NCALD: variants seen among roughly 807,000 people sequenced by gnomAD.
The protein encoded by NCALD is neurocalcin-delta.
A neutral mutation model predicts 18.6 loss-of-function variants in NCALD; 10 were observed. The observed-to-expected ratio is 0.54, with a 90% confidence interval of 0.33 to 0.91. NCALD has a LOEUF of 0.91. NCALD is among the 40% of genes least tolerant of loss of function. NCALD has a pLI of 0.03. For missense variants in NCALD, 184 were observed against 247.6 expected (o/e 0.74, Z 1.72); for synonymous variants, 88 against 87.4 (o/e 1.01, Z -0.04).
At chr8:102,099,814 A>C (rs979175461) in intron 1 of NCALD, among the ~76,000 whole-genome samples, 1 of 151,690 alleles carries the variant, frequency 6.6e-6, no homozygotes, top group Non-Finnish European at 1.5e-5. Flanking sequence ...TCTCTACTAA[A>C]ATTACCAAAA....
chr8:102,122,759 T>C (rs1825979066), intron 1 of NCALD, among the ~76,000 whole-genome samples: 1 of 152,216 alleles, frequency 6.6e-6, no homozygotes, highest in South Asian at 2.1e-4. Context: ...TATTGACGAA[T>C]GAGCCACAGC....
chr8:101,710,974 T>G lies in NCALD; in HGVS notation c.378+8278A>C, dbSNP rs182602743. ...ACCCCCGAGGCTCCTGACTAGGAGA[T>G]GCCTCCCAGCAGGGGTCGACAGACA... On this transcript the variant is annotated intron_variant, in intron 2 of 3. Coordinates refer to ENST00000220931, the MANE Select transcript of NCALD (RefSeq NM_032041.3). Among the ~76,000 whole-genome samples, 12 of 152,272 alleles carry G rather than the reference T, an allele frequency of 7.9e-5. No individual in the cohort carries two copies. In the East Asian group the frequency reaches 1.6e-3, roughly 20 times the overall value.
intron 2 of NCALD, among the ~76,000 whole-genome samples, chr8:101,706,454 C>G (rs1285716000): frequency 6.6e-6 from 1 of 152,146 alleles, no homozygotes; most frequent in East Asian, 1.9e-4. Context: ...GATCTGGAAG[C>G]AATTTGTTTC....
intron 2 of NCALD, among the ~76,000 whole-genome samples, chr8:101,997,665 G>T (rs907270611): frequency 6.6e-6 from 1 of 152,154 alleles, no homozygotes; most frequent in Non-Finnish European, 1.5e-5. Flanking sequence ...TTTTCAGGTC[G>T]CTCCACTGAA....
chr8:101,724,431 T>C (rs1160086062), intron 1 of NCALD, among the ~76,000 whole-genome samples: 3 of 152,256 alleles, frequency 2.0e-5, no homozygotes, highest in Non-Finnish European at 4.4e-5. Context: ...TAAAAATGCT[T>C]GGCTTCAAAG....
At chr8:101,712,457 CA>C (rs1312779778) in intron 2 of NCALD, among the ~76,000 whole-genome samples, 4 of 151,982 alleles carry the variant, frequency 2.6e-5, no homozygotes, top group Non-Finnish European at 4.4e-5. Flanking sequence ...TTAAAAGGCA[CA>C]GACTGGCAAA....
intron 1 of NCALD, among the ~76,000 whole-genome samples, chr8:102,050,328 T>C (rs1823399894): frequency 6.6e-6 from 1 of 151,852 alleles, no homozygotes; most frequent in Non-Finnish European, 1.5e-5. Context: ...AATAATCTCA[T>C]TTTTGAGTAA....
intron 1 of NCALD, chr8:101,789,041 G>C (rs961645630): frequency 6.6e-6 from 1 of 152,152 alleles, no homozygotes; most frequent in African/African-American, 2.4e-5. Flanking sequence ...TATTTTGAAA[G>C]AGCATTGAAT....
intron 1 of NCALD, among the ~76,000 whole-genome samples, chr8:102,039,174 A>C (rs554810992): frequency 6.6e-6 from 1 of 152,278 alleles, no homozygotes; most frequent in South Asian, 2.1e-4. Context: ...TGAGACTCTC[A>C]GCAGAGGACC....
intron 2 of NCALD, among the ~76,000 whole-genome samples, chr8:102,017,451 C>T (rs920412079): frequency 4.6e-5 from 7 of 152,248 alleles, no homozygotes; most frequent in Middle Eastern, 3.4e-3. Flanking sequence ...CGGTGGCTCA[C>T]GCCTATAATA....
At chr8:101,787,151 T>C (rs1812258996) in intron 1 of NCALD, among the ~76,000 whole-genome samples, 1 of 152,208 alleles carries the variant, frequency 6.6e-6, no homozygotes, top group Non-Finnish European at 1.5e-5. Context: ...GTGGATTTTA[T>C]GAAAAATAAT....
At chr8:101,838,754 T>A (rs755318060) in intron 4 of NCALD, among the ~76,000 whole-genome samples, 67 of 152,348 alleles carry the variant, frequency 4.4e-4, no homozygotes, top group Non-Finnish European at 9.4e-4. Flanking sequence ...GTGTGTATGT[T>A]TTATTTAAAG....
intron 2 of NCALD, among the ~76,000 whole-genome samples, chr8:101,999,756 A>G (rs1213558183): frequency 1.3e-5 from 2 of 150,746 alleles, no homozygotes; most frequent in Non-Finnish European, 2.9e-5. Context: ...AAATAAAATA[A>G]TAACATTCAA....
At chr8:102,025,864 A>G (rs897502861) in intron 1 of NCALD, among the ~76,000 whole-genome samples, 3 of 152,164 alleles carry the variant, frequency 2.0e-5, no homozygotes, top group Non-Finnish European at 4.4e-5. Flanking sequence ...GAGACTAGGT[A>G]ATTTATAAAG....
intron 1 of NCALD, among the ~76,000 whole-genome samples, chr8:101,786,885 G>A (rs1034084827): frequency 6.6e-6 from 1 of 152,036 alleles, no homozygotes; most frequent in Admixed American, 6.6e-5. Context: ...AATTTTAAAG[G>A]GATGCCGTGT....
intron 1 of NCALD, among the ~76,000 whole-genome samples, chr8:102,030,282 T>C (rs1822621473): frequency 6.6e-6 from 1 of 152,348 alleles, no homozygotes; most frequent in African/African-American, 2.4e-5. Context: ...AAGTAGTTCT[T>C]GATTTTTCAG....
At chr8:101,722,168 T>C (rs1029396158) in intron 1 of NCALD, among the ~76,000 whole-genome samples, 2 of 152,174 alleles carry the variant, frequency 1.3e-5, no homozygotes, top group African/African-American at 4.8e-5. Context: ...AAACACCATT[T>C]TATGCAAAAG....
At chr8:101,826,419 A>C (rs1298940116) in intron 4 of NCALD, among the ~76,000 whole-genome samples, 1 of 152,188 alleles carries the variant, frequency 6.6e-6, no homozygotes, top group African/African-American at 2.4e-5. Context: ...CAGGGGTTAG[A>C]GGGTTGTGAG....
chr8:101,988,077 T>C (rs529105319), intron 2 of NCALD, among the ~76,000 whole-genome samples: 2 of 137,126 alleles, frequency 1.5e-5, no homozygotes, highest in East Asian at 2.2e-4. Flanking sequence ...ATGGCGGGAA[T>C]CCGGGAGGCG....
Sources: allele counts gnomAD v4.1 joint callset (sites outside exome capture counted in the v4.1 genomes callset), GRCh38; gene constraint gnomAD v4.1.1; transcripts MANE v1.5; gene names NCBI Gene and HGNC (gene_info 2026-07-23, HGNC 2026-07-21).